RBBP8: variants seen among roughly 807,000 people sequenced by gnomAD.
RBBP8 encodes the protein RB binding protein 8, endonuclease.
A neutral mutation model predicts 108.3 loss-of-function variants in RBBP8; 88 were observed. The ratio of observed to expected loss-of-function variants is 0.81; its 90% CI spans 0.68 to 0.97. RBBP8 has a LOEUF of 0.97. Among genes scored for constraint, RBBP8 ranks in the 50% least tolerant of loss-of-function variants. The pLI, the probability that RBBP8 is intolerant of heterozygous loss-of-function variation, is 0.00. For synonymous variants in RBBP8, 332 were observed against 348.2 expected (o/e 0.95, Z 0.52); for missense variants, 1,023 against 1,049.0 (o/e 0.98, Z 0.34).
Position 22,992,450 on chromosome 18 carries a change from C to T in RBBP8, c.921-298C>T, listed in dbSNP as rs370967163. 4.6e-5 allele frequency among the ~76,000 whole-genome samples: 7 copies of T among 152,334 alleles called. No individual in the cohort carries two copies. The East Asian group carries it at 1.3e-3, about 29-fold the overall frequency. Reference sequence around the variant, plus strand: ...GCCTCAAGTGATCTGCCCACCTTGGCCTCCCAAAGTGCTGGGATTACAGGC... The same window carrying T: ...GCCTCAAGTGATCTGCCCACCTTGGTCTCCCAAAGTGCTGGGATTACAGGC... On this transcript the variant is annotated intron_variant, in intron 10 of 18. Transcript: ENST00000327155.
At chr18:22,973,403 C>T (rs1914265454) in intron 5 of RBBP8, among the ~76,000 whole-genome samples, 1 of 152,128 alleles carries the variant, frequency 6.6e-6, no homozygotes, top group African/African-American at 2.4e-5. Context: ...CCATCTTAAT[C>T]AGAAATCTAA....
chr18:23,022,653 T>TAAAAAAATAAAAAAATAAATA (rs1252600941), intron 18 of RBBP8, among the ~76,000 whole-genome samples: 1 of 37,120 alleles, frequency 2.7e-5, no homozygotes, highest in Non-Finnish European at 1.1e-4. Context: ...AAATACAATA[T>TAAAAAAATAAAAAAATAAATA]AAAATAAAAT....
At position 22,993,625 on chromosome 18, in the gene RBBP8, T is replaced by C; in HGVS notation, c.1798T>C (p.Leu600=). Residue 600 remains leucine, a synonymous_variant, in exon 11 of 19, where the codon TTA becomes CTA. Transcript: ENST00000327155. The stretch of plus-strand genomic sequence containing the variant: ...TGAAAGTTTGGAGACTGAGAATGTT[T>C]TAGATGACATAAAGGTTTGTGTTAA... ...PRESLETENV[L]DDIKSAGSHE... 1 of 1,614,262 alleles carries C rather than the reference T, an allele frequency of 6.2e-7. No individual in the cohort carries two copies. The highest frequency in any genetic ancestry group is 8.5e-7 in the Non-Finnish European group (1 of 1,180,038).
At chr18:22,922,372 T>A (rs1044543401) in intron 3 of RBBP8, among the ~76,000 whole-genome samples, 1 of 151,940 alleles carries the variant, frequency 6.6e-6, no homozygotes, top group Non-Finnish European at 1.5e-5. Context: ...TGAATAAAGA[T>A]GAAATAGGAA....
chr18:22,987,872 A>G (rs892908257), intron 8 of RBBP8, among the ~76,000 whole-genome samples: 14 of 152,212 alleles, frequency 9.2e-5, no homozygotes, highest in Non-Finnish European at 2.9e-5. Context: ...TTCCCAACCA[A>G]TGTATCTACC....
chr18:23,014,278 G>T (rs2046220657), intron 16 of RBBP8, among the ~76,000 whole-genome samples: 2 of 152,094 alleles, frequency 1.3e-5, no homozygotes, highest in Admixed American at 1.3e-4. Context: ...GGATCAAGTA[G>T]TAGTTTGACT....
At chr18:22,929,498 GT>G (rs1909923768), upstream of RBBP8, 1 of 29,530 alleles carries the variant, frequency 3.4e-5, no homozygotes, top group Admixed American at 3.4e-4. Flanking sequence ...GTGTGTGTGT[GT>G]GTGTGTGTGT....
chr18:22,982,989 G>T (rs1252964916), intron 7 of RBBP8, among the ~76,000 whole-genome samples: 2 of 152,114 alleles, frequency 1.3e-5, no homozygotes, highest in Admixed American at 6.6e-5. Context: ...GTCTGTAACT[G>T]GCTATTTTTA....
chr18:23,005,312 ATGTT>A (rs1327010983), intron 15 of RBBP8, among the ~76,000 whole-genome samples: 1 of 152,244 alleles, frequency 6.6e-6, no homozygotes, highest in Non-Finnish European at 1.5e-5. Flanking sequence ...GAAATGACAA[ATGTT>A]TGAGGTGACA....
intron 3 of RBBP8, among the ~76,000 whole-genome samples, chr18:22,920,414 C>T (rs1432030875): frequency 6.6e-6 from 1 of 152,256 alleles, no homozygotes; most frequent in East Asian, 1.9e-4. Flanking sequence ...GTGTTAAAGA[C>T]ATACAGCCTT....
intron 17 of RBBP8, among the ~76,000 whole-genome samples, chr18:23,017,435 C>T (rs2046277582): frequency 6.6e-6 from 1 of 151,252 alleles, no homozygotes; most frequent in African/African-American, 2.4e-5. Context: ...GGGCGGATCA[C>T]GAGGTAAGGA....
At position 22,993,760 on chromosome 18, in the gene RBBP8, T is replaced by C. The variant is rs2045792866; in HGVS notation, c.1852T>C (p.Ser618Pro). The C allele has an allele frequency of 6.2e-7, 1 of 1,613,970 alleles. No individual in the cohort carries two copies. The highest frequency in any genetic ancestry group is 1.3e-5 in the African/African-American group (1 of 74,940). The change falls in exon 12 of 19, where the codon TCA (serine) becomes CCA (proline). Residue 618 changes from serine to proline, a missense_variant. Ser to Pro is a moderately conservative substitution (Grantham distance 74). Transcript: ENST00000327155. ...TGAGCCAATAAAAATACAAACCAGG[T>C]CAGACCATGGAGGATGTGAACTTGC... The part of the protein sequence containing the change: ...SHEPIKIQTR[S>P]DHGGCELASV...
intron 7 of RBBP8, among the ~76,000 whole-genome samples, 159 bp downstream of exon 7, chr18:22,982,552 G>T (rs958137288): frequency 4.6e-5 from 7 of 152,082 alleles, no homozygotes. Flanking sequence ...TGACTGAGAA[G>T]GCGTTTTCTG....
At chr18:22,963,753 A>G (rs1418960742) in intron 4 of RBBP8, among the ~76,000 whole-genome samples, 1 of 152,172 alleles carries the variant, frequency 6.6e-6, no homozygotes, top group Non-Finnish European at 1.5e-5. Context: ...TTTATTTTAG[A>G]AAATCACACA....
intron 4 of RBBP8, among the ~76,000 whole-genome samples, chr18:22,965,707 A>G (rs1913523793): frequency 6.6e-6 from 1 of 152,194 alleles, no homozygotes; most frequent in African/African-American, 2.4e-5. Context: ...ACTGCTCAGA[A>G]TATAGGAGAG....
chr18:22,923,414 T>C (rs1174925553), intron 3 of RBBP8, among the ~76,000 whole-genome samples: 1 of 152,228 alleles, frequency 6.6e-6, no homozygotes, highest in Non-Finnish European at 1.5e-5. Flanking sequence ...CCTTTGCACA[T>C]GCCTTCTGCC....
At chr18:22,994,660 A>G (rs1389647243) in intron 12 of RBBP8, among the ~76,000 whole-genome samples, 4 of 146,700 alleles carry the variant, frequency 2.7e-5, no homozygotes, top group Non-Finnish European at 6.0e-5. Context: ...AAAAAAAAAG[A>G]AAAAAAAAAT....
At chr18:22,987,276 G>C (rs1263799563) in intron 8 of RBBP8, among the ~76,000 whole-genome samples, 9 of 152,114 alleles carry the variant, frequency 5.9e-5, no homozygotes, top group Non-Finnish European at 1.5e-5. Flanking sequence ...AAAAGTGCTA[G>C]AGGAGTGGGG....
rs746201709 is a variant in RBBP8, at chr18:22,993,374, T to G, written c.1547T>G (p.Phe516Cys). Residue 516 changes from phenylalanine (F) to cysteine (C), a missense_variant, in exon 11 of 19, where the codon TTT (phenylalanine) becomes TGT (cysteine). Coordinates refer to ENST00000327155, the MANE Select transcript of RBBP8 (RefSeq NM_002894.3). Reference protein sequence around the residue: ...SQGSETSKNKFRQVTLYEALK... With the variant: ...SQGSETSKNKCRQVTLYEALK... Reference sequence around the variant, plus strand: ...GGAAGTGAGACTTCTAAAAACAAATTTAGGCAAGTGACTCTTTATGAGGCT... The same window carrying G: ...GGAAGTGAGACTTCTAAAAACAAATGTAGGCAAGTGACTCTTTATGAGGCT... The G allele has an allele frequency of 6.2e-7, 1 of 1,614,194 alleles. No individual in the cohort carries two copies. Among genetic ancestry groups the G allele is most frequent in the South Asian group, 1.1e-5 (1 of 91,082 alleles).
Sources: gnomAD v4.1 joint callset for allele counts (sites outside exome capture counted in the v4.1 genomes callset) on GRCh38, gnomAD v4.1.1 for gene constraint, MANE v1.5 for transcripts, NCBI Gene and HGNC (gene_info 2026-07-23, HGNC 2026-07-21) for gene names.